The following CCDC13 variants were observed in gnomAD, a reference collection of about 807,000 sequenced individuals.
CCDC13 encodes the protein coiled-coil domain containing 13, also known as coiled-coil domain-containing protein 13.
Under a neutral mutation model 87.3 loss-of-function variants are expected in CCDC13, and 70 were observed. The ratio of observed to expected loss-of-function variants is 0.80; its 90% CI spans 0.66 to 0.98. CCDC13 has a LOEUF of 0.98. Among genes scored for constraint, CCDC13 ranks in the 50% least tolerant of loss-of-function variants. The pLI is 0.00. For synonymous variants in CCDC13, 317 were observed against 360.3 expected, an observed-to-expected ratio of 0.88 and a Z score of 1.36; for missense variants, 842 against 892.0, an observed-to-expected ratio of 0.94 and a Z score of 0.71.
intron 13 of CCDC13, among the ~76,000 whole-genome samples, chr3:42,720,006 C>T (rs1313497963): frequency 1.3e-5 from 2 of 152,076 alleles, no homozygotes; most frequent in African/African-American, 4.8e-5. Flanking sequence ...AAAATGTAAA[C>T]ATTTAGTCTA....
intron 1 of CCDC13, among the ~76,000 whole-genome samples, chr3:42,759,498 C>T (rs1575332029): frequency 1.3e-5 from 2 of 152,188 alleles, no homozygotes; most frequent in Non-Finnish European, 2.9e-5. Context: ...CTTTTGTTCA[C>T]TACAGTTTTG....
At chr3:42,724,414 C>T (rs570322503) in intron 13 of CCDC13, among the ~76,000 whole-genome samples, 1 of 152,326 alleles carries the variant, frequency 6.6e-6, no homozygotes, top group South Asian at 2.1e-4. Context: ...CTTTCTCTGT[C>T]CTCGCCCCCT....
chr3:42,729,495 T>C (rs1477530528), intron 13 of CCDC13, among the ~76,000 whole-genome samples: 1 of 152,216 alleles, frequency 6.6e-6, no homozygotes, highest in African/African-American at 2.4e-5. Context: ...CAAACTACCT[T>C]TCCTGCATTC....
At position 42,745,986 on chromosome 3, in the gene CCDC13, C is replaced by G; in HGVS notation, c.762G>C (p.Gln254His). 1 of 1,614,166 alleles carries G rather than the reference C, an allele frequency of 6.2e-7. No homozygotes were observed. Residue 254 changes from glutamine to histidine, a missense_variant, in exon 7 of 16, where the codon CAG becomes CAC. Gln to His is a conservative substitution (Grantham distance 24). Coordinates refer to ENST00000310232, the MANE Select transcript of CCDC13 (RefSeq NM_144719.4). ...REVGEDINVQ[Q>H]LLSSPGTWRG... The stretch of plus-strand genomic sequence containing the variant: ...TCCAGGTCCCTGGCGAAGATAGGAG[C>G]TGCTGAACGTTGATGTCTTCCCCAA...
At chr3:42,747,857 G>A (rs1026060335) in intron 5 of CCDC13, among the ~76,000 whole-genome samples, 2 of 152,220 alleles carry the variant, frequency 1.3e-5, no homozygotes, top group Admixed American at 6.5e-5. Context: ...CAAGCCCAGC[G>A]TGGCAGGAGA....
intron 13 of CCDC13, chr3:42,713,983 GT>G (rs1405729636): frequency 2.6e-5 from 4 of 152,208 alleles, no homozygotes; most frequent in African/African-American, 9.7e-5. Context: ...CATTCAGAGT[GT>G]TGACAGAATC....
chr3:42,753,666 C>T (rs924297554), intron 3 of CCDC13, among the ~76,000 whole-genome samples: 1 of 152,002 alleles, frequency 6.6e-6, no homozygotes, highest in African/African-American at 2.4e-5. Context: ...GATGGAGTGG[C>T]CAGGAAAGGC....
At position 42,733,494 on chromosome 3, in the gene CCDC13, T is replaced by C. The variant is rs762039080; in HGVS notation, c.1487A>G (p.His496Arg). The part of the protein sequence containing the change: ...LTKSPASAGD[H>R]VGRLGSSRSV... ...CCGAGAAGATCCAAGCCTGCCAACATGATCGCCTGCTGAGGCCGGGGACTT... is the reference window on the plus strand; with the variant it reads ...CCGAGAAGATCCAAGCCTGCCAACACGATCGCCTGCTGAGGCCGGGGACTT... Residue 496 changes from histidine (H) to arginine (R), a missense_variant, in exon 11 of 16, where the codon CAT (histidine) becomes CGT (arginine). Physicochemically the swap from His to Arg is conservative, Grantham distance 29 (BLOSUM62 0). Transcript: ENST00000310232. The C allele has an allele frequency of 1.1e-5, 17 of 1,613,910 alleles. No homozygotes were observed. Among genetic ancestry groups the C allele is most frequent in the Non-Finnish European group, 1.4e-5 (17 of 1,179,994 alleles).
intron 13 of CCDC13, chr3:42,719,300 T>C (rs528409126): frequency 3.3e-5 from 5 of 151,984 alleles, no homozygotes; most frequent in African/African-American, 1.2e-4. Context: ...GCCTGAACTT[T>C]TCAGTGTCGC....
chr3:42,709,626 T>C (rs1698255366), intron 15 of CCDC13, 58 bp downstream of exon 15: 1 of 1,349,430 alleles, frequency 7.4e-7, no homozygotes, highest in Non-Finnish European at 1.1e-6. Context: ...CCTCTGCCCA[T>C]GGAGGCACCT....
intron 3 of CCDC13, among the ~76,000 whole-genome samples, chr3:42,754,495 C>T (rs1284752465): frequency 6.6e-6 from 1 of 152,162 alleles, no homozygotes; most frequent in East Asian, 1.9e-4. Context: ...AAATCATGAA[C>T]TCTAGCAGTT....
Position 42,708,802 on chromosome 3 carries a change from C to T in CCDC13, c.*178G>A. 1.6e-6 allele frequency: 1 copy of T among 621,242 alleles called. No individual in the cohort carries two copies. Among genetic ancestry groups the T allele is most frequent in the Non-Finnish European group, 2.6e-6 (1 of 381,468 alleles). 38.5% of individuals were successfully genotyped at this position (621,242 alleles called of 1,614,324 possible). A position where few individuals can be genotyped will look rare whatever the true frequency, so the allele number is the denominator to read the frequency against. On this transcript the variant is annotated 3_prime_UTR_variant, in exon 16 of 16. Coordinates refer to ENST00000310232, the MANE Select transcript of CCDC13 (RefSeq NM_144719.4). ...GCAGTGTCCCACCAGGGCTTCTCTT[C>T]TGCCTTCCTGGCCTGAGACATTGGT... is the stretch of plus-strand genomic sequence containing the variant.
intron 5 of CCDC13, chr3:42,749,925 G>A (rs1244013082): frequency 4.4e-6 from 2 of 456,724 alleles, no homozygotes; most frequent in East Asian, 6.9e-5. Context: ...CAGGCCTCTG[G>A]AGTGTGGCTC....
At chr3:42,731,858 C>T (rs1329520282) in intron 12 of CCDC13, among the ~76,000 whole-genome samples, 11 of 152,130 alleles carry the variant, frequency 7.2e-5, no homozygotes, top group African/African-American at 2.7e-4. Flanking sequence ...CACACATGGT[C>T]GAGTTTAGTA....
In CCDC13 at chr3:42,745,921, A is replaced by C; in HGVS notation, c.825+2T>G. ...CCAGGAGAAGTCTGATGACTCACTC[A>C]CCTTGCTCTGCAAAACAAGAATTTG... On this transcript the variant is annotated splice_donor_variant, in intron 7 of 15. Transcript: ENST00000310232. LOFTEE classifies it high-confidence loss of function. The C allele has an allele frequency of 6.2e-7, 1 of 1,610,852 alleles. No individual in the cohort carries two copies. The highest frequency in any genetic ancestry group is 8.5e-7 in the Non-Finnish European group (1 of 1,177,156).
chr3:42,738,575 C>G (rs1471693788), intron 9 of CCDC13, among the ~76,000 whole-genome samples: 2 of 152,194 alleles, frequency 1.3e-5, no homozygotes, highest in African/African-American at 4.8e-5. Context: ...TTTGTGTCCT[C>G]TTTTATTTCA....
rs111292252 is a variant in CCDC13 at position 42,739,758 on chromosome 3, T to C, written c.1040A>G (p.Lys347Arg). ...CCGAGACCTCATGCCCTCGAACTTC[T>C]TTTTTAGCTCTTCAAGCTCTCTCTG... ...VLQRELEELK[K>R]KFEGMRSRNK... The change falls in exon 9 of 16, where the codon AAG (lysine) becomes AGG (arginine). Residue 347 changes from lysine (K) to arginine (R), a missense_variant. Lys to Arg is a conservative substitution (Grantham distance 26). Transcript: ENST00000310232. 6.8e-6 allele frequency: 11 copies of C among 1,614,064 alleles called. No individual in the cohort carries two copies. The highest frequency in any genetic ancestry group is 5.3e-5 in the African/African-American group (4 of 74,930).
intron 9 of CCDC13, among the ~76,000 whole-genome samples, chr3:42,736,177 A>G (rs1199217398): frequency 6.6e-6 from 1 of 152,246 alleles, no homozygotes; most frequent in African/African-American, 2.4e-5. Flanking sequence ...CAGACAACAG[A>G]AAGTAGATCA....
At chr3:42,720,848 C>A (rs1192103069) in intron 13 of CCDC13, among the ~76,000 whole-genome samples, 2 of 152,220 alleles carry the variant, frequency 1.3e-5, no homozygotes, top group Admixed American at 1.3e-4. Flanking sequence ...GAGCAAAAAC[C>A]TGCCTATGAT....
Sources: gnomAD v4.1 joint callset for allele counts (sites outside exome capture counted in the v4.1 genomes callset) on GRCh38, gnomAD v4.1.1 for gene constraint, MANE v1.5 for transcripts, NCBI Gene and HGNC (gene_info 2026-07-23, HGNC 2026-07-21) for gene names.